Variants in GSDME observed in about 807,000 individuals in gnomAD.
GSDME encodes gasdermin E.
A neutral mutation model predicts 47.5 loss-of-function variants in GSDME; 44 were observed. The observed-to-expected ratio is 0.93, with a 90% CI of 0.73 to 1.19. The LOEUF (loss-of-function observed/expected upper bound fraction) is 1.19. GSDME is among the 50% of genes most tolerant of loss of function. The pLI, the probability that GSDME is intolerant of heterozygous loss-of-function variation, is 0.00. For missense variants in GSDME, 663 were observed against 604.2 expected, an observed-to-expected ratio of 1.10 and a Z score of -1.02; for synonymous variants, 258 against 252.8, an observed-to-expected ratio of 1.02 and a Z score of -0.20.
At chr7:24,734,088 G>A (rs1042192698) in intron 3 of GSDME, among the ~76,000 whole-genome samples, 4 of 152,186 alleles carry the variant, frequency 2.6e-5, no homozygotes, top group African/African-American at 9.7e-5. Context: ...CATAGAGAGA[G>A]ACTCTGTTTT....
intron 3 of GSDME, among the ~76,000 whole-genome samples, chr7:24,720,334 A>C (rs1789731656): frequency 6.6e-6 from 1 of 152,224 alleles, no homozygotes; most frequent in Non-Finnish European, 1.5e-5. Context: ...TGGTGACAGC[A>C]CAAGAAAAAT....
chr7:24,731,435 G>A (rs1194718533), intron 3 of GSDME, among the ~76,000 whole-genome samples: 1 of 152,218 alleles, frequency 6.6e-6, no homozygotes, highest in Non-Finnish European at 1.5e-5. Context: ...TGGTGACCAC[G>A]CAGGTGCCTA....
upstream of GSDME, among the ~76,000 whole-genome samples, chr7:24,760,208 T>G (rs1234811716): frequency 6.6e-6 from 1 of 152,212 alleles, no homozygotes; most frequent in African/African-American, 2.4e-5. This position sits in a 1 kb window ranked among gnomAD's most constrained non-coding sequence, Gnocchi z 4.2. Flanking sequence ...ACCCTATGCC[T>G]AGATTCTTGC....
At chr7:24,720,080 T>C (rs1408164447) in intron 3 of GSDME, among the ~76,000 whole-genome samples, 1 of 152,192 alleles carries the variant, frequency 6.6e-6, no homozygotes, top group East Asian at 1.9e-4. Flanking sequence ...TAGAAGGGGT[T>C]TGATGTCTTT....
At position 24,757,068 on chromosome 7, in the gene GSDME, G is replaced by C. The variant is rs975972378; in HGVS notation, c.-20+328C>G. On this transcript the variant is annotated intron_variant, in intron 1 of 9. Coordinates refer to ENST00000645220, the MANE Select transcript of GSDME (RefSeq NM_001127453.2). The surrounding 1 kb of genome is among the most constrained non-coding windows in gnomAD (Gnocchi z 5.9). ...GGTTGGGAGAACGAAAATACCAGCT[G>C]CGCTTCCAACATCCAAGGAAGGAAG... 4.5e-4 allele frequency among the ~76,000 whole-genome samples: 68 copies of C among 152,266 alleles called. No individual in the cohort carries two copies. The highest frequency in any genetic ancestry group is 1.6e-3 in the African/African-American group (65 of 41,546).
intron 9 of GSDME, 58 bp from the exon 10 acceptor site, chr7:24,699,317 G>A (rs2128044584): frequency 1.6e-6 from 2 of 1,273,996 alleles, no homozygotes; most frequent in Middle Eastern, 1.9e-4. Context: ...ATCCACATTG[G>A]ATAGTAATGC....
At chr7:24,782,188 G>T in the GSDME span, among the ~76,000 whole-genome samples, 1 of 151,746 alleles carries the variant, frequency 6.6e-6, no homozygotes, top group Non-Finnish European at 1.5e-5. Context: ...TTTACGTTAG[G>T]TATATCTCCT....
chr7:24,764,973 A>G, the GSDME span, among the ~76,000 whole-genome samples: 1 of 152,236 alleles, frequency 6.6e-6, no homozygotes, highest in Non-Finnish European at 1.5e-5. This position sits in a 1 kb window ranked among gnomAD's most constrained non-coding sequence, Gnocchi z 4.4. Context: ...AAAAAGCTTT[A>G]AAAGGTCCCA....
intron 8 of GSDME, chr7:24,704,398 A>C (rs1471181713): frequency 2.0e-5 from 3 of 152,192 alleles, no homozygotes; most frequent in Non-Finnish European, 4.4e-5. Context: ...GGACCTACGA[A>C]GACCCCATTT....
Position 24,756,507 on chromosome 7 carries a change from T to A in GSDME, c.-20+889A>T, listed in dbSNP as rs920295499. Among the ~76,000 whole-genome samples, 3 of 152,170 alleles carry A rather than the reference T, an allele frequency of 2.0e-5. No individual in the cohort carries two copies. Among genetic ancestry groups the A allele is most frequent in the Non-Finnish European group, 4.4e-5 (3 of 68,028 alleles). On this transcript the variant is annotated intron_variant, in intron 1 of 9. Transcript: ENST00000645220. This position sits in a 1 kb window ranked among gnomAD's most constrained non-coding sequence, Gnocchi z 4.2. The stretch of plus-strand genomic sequence containing the variant: ...TTGTGAAGACAATTAATTTCACTCT[T>A]CAGCTGCTTCTCCAACCCCACAGCA...
chr7:24,705,915 G>A lies in GSDME; in HGVS notation c.1183+269C>T. On this transcript the variant is annotated intron_variant, in intron 8 of 9. Transcript: ENST00000645220. This position sits in a 1 kb window ranked among gnomAD's most constrained non-coding sequence, Gnocchi z 4.1. ...GATGCTTGCTTTTGTAGGCAAAGGG[G>A]CACCCACTGTGGCCTTCCCTGGGGG... 1 of 530,622 alleles carries A rather than the reference G, an allele frequency of 1.9e-6. No individual in the cohort carries two copies. The highest frequency in any genetic ancestry group is 2.0e-5 in the South Asian group (1 of 49,562). The allele number at this position is 530,622 out of a possible 1,614,324, so 32.9% of individuals were successfully genotyped here.
the GSDME span, among the ~76,000 whole-genome samples, chr7:24,788,885 A>G: frequency 6.6e-6 from 1 of 152,354 alleles, no homozygotes; most frequent in East Asian, 1.9e-4. This position sits in a 1 kb window ranked among gnomAD's most constrained non-coding sequence, Gnocchi z 4.6. Flanking sequence ...CAATATCACA[A>G]TATGCATAGG....
At position 24,742,973 on chromosome 7, in the gene GSDME, G is replaced by A. The variant is rs1469652832; in HGVS notation, c.404+1589C>T. Among the ~76,000 whole-genome samples the A allele has an allele frequency of 5.3e-5, 8 of 152,226 alleles. No homozygotes were observed. The highest frequency in any genetic ancestry group is 1.9e-4 in the African/African-American group (8 of 41,456). On this transcript the variant is annotated intron_variant, in intron 3 of 9. Transcript: ENST00000645220. The surrounding 1 kb of genome is among the most constrained non-coding windows in gnomAD (Gnocchi z 4.4). Reference sequence around the variant, plus strand: ...GAGGCAGCTGTCCCTTCTACCTGGTGCTACCAGAGAGAACTTCAAATCATC... The same window carrying A: ...GAGGCAGCTGTCCCTTCTACCTGGTACTACCAGAGAGAACTTCAAATCATC...
chr7:24,743,544 G>A (rs528378758), intron 3 of GSDME, among the ~76,000 whole-genome samples: 2 of 152,104 alleles, frequency 1.3e-5, no homozygotes, highest in African/African-American at 4.8e-5. Flanking sequence ...ATCAGATTAC[G>A]CCCCTTCCCT....
Position 24,742,029 on chromosome 7 carries a change from T to A in GSDME, c.404+2533A>T, listed in dbSNP as rs1562711090. Among the ~76,000 whole-genome samples, 1 of 152,114 alleles carries A rather than the reference T, an allele frequency of 6.6e-6. No homozygotes were observed. The highest frequency in any genetic ancestry group is 1.5e-5 in the Non-Finnish European group (1 of 68,022). On this transcript the variant is annotated intron_variant, in intron 3 of 9. Coordinates refer to ENST00000645220, the MANE Select transcript of GSDME (RefSeq NM_001127453.2). The surrounding 1 kb of genome is among the most constrained non-coding windows in gnomAD (Gnocchi z 4.4). ...TCTGGTGGCACCACTCCCCAGGGCA[T>A]CCCTTCCCCCATCACCACTACAAGT...
At position 24,754,500 on chromosome 7, in the gene GSDME, AAAGTT is replaced by A. The variant is rs1790956164; in HGVS notation, c.-20+2891_-20+2895del. Among the ~76,000 whole-genome samples, 1 of 151,504 alleles carries A rather than the reference AAAGTT, an allele frequency of 6.6e-6. No homozygotes were observed. Among genetic ancestry groups the A allele is most frequent in the Non-Finnish European group, 1.5e-5 (1 of 68,006 alleles). ...AACTTTGTCTCAAAAAAAAAAAAAA[AAAGTT>A]GTATTAGCAAACAGTCCTTAGTCTG... is the stretch of plus-strand genomic sequence containing the variant. On this transcript the variant is annotated intron_variant, in intron 1 of 9. Transcript: ENST00000645220. This position sits in a 1 kb window ranked among gnomAD's most constrained non-coding sequence, Gnocchi z 5.0.
chr7:24,757,655 T>A (rs1453380629), upstream of GSDME: 1 of 152,258 alleles, frequency 6.6e-6, no homozygotes, highest in Non-Finnish European at 1.5e-5. The surrounding 1 kb of genome is among the most constrained non-coding windows in gnomAD (Gnocchi z 5.9). Context: ...GGAGCCGGGT[T>A]GCTGACGGCC....
At chr7:24,715,907 A>G (rs1015447396) in intron 5 of GSDME, among the ~76,000 whole-genome samples, 1 of 152,078 alleles carries the variant, frequency 6.6e-6, no homozygotes, top group Non-Finnish European at 1.5e-5. Context: ...AGAATGAGAG[A>G]GGGAGACTCT....
At chr7:24,788,021 C>T in the GSDME span, among the ~76,000 whole-genome samples, 1 of 152,128 alleles carries the variant, frequency 6.6e-6, no homozygotes, top group Non-Finnish European at 1.5e-5. The surrounding 1 kb of genome is among the most constrained non-coding windows in gnomAD (Gnocchi z 4.6). Context: ...TTTTTAAAAG[C>T]ACAGTTGATC....
Sources: gnomAD v4.1 joint callset for allele counts (sites outside exome capture counted in the v4.1 genomes callset) on GRCh38, gnomAD v4.1.1 for gene constraint, Gnocchi (gnomAD v3.1) non-coding constraint, MANE v1.5 for transcripts, NCBI Gene and HGNC (gene_info 2026-07-23, HGNC 2026-07-21) for gene names.